The following AGPAT5 variants were observed in gnomAD, a reference collection of about 807,000 sequenced individuals.
AGPAT5 encodes the protein 1-acyl-sn-glycerol-3-phosphate acyltransferase epsilon.
AGPAT5 carries 46 observed loss-of-function variants against 45.6 expected under a neutral mutation model. That is an observed-to-expected ratio of 1.01 (90% confidence interval 0.80 to 1.29). AGPAT5 has a LOEUF of 1.29. Ranked by LOEUF, AGPAT5 falls within the 50% of genes most tolerant of loss-of-function variation. The pLI, the probability that AGPAT5 is intolerant of heterozygous loss-of-function variation, is 0.00. For synonymous variants in AGPAT5, 272 were observed against 167.0 expected (o/e 1.63, Z -4.85); for missense variants, 673 against 450.7 (o/e 1.49, Z -4.47).
chr8:6,727,616 G>T (rs1343570089), intron 2 of AGPAT5, among the ~76,000 whole-genome samples: 1 of 152,174 alleles, frequency 6.6e-6, no homozygotes, highest in Non-Finnish European at 1.5e-5. Flanking sequence ...CCTGACCTCA[G>T]GTGATCTGCC....
chr8:6,722,661 G>A (rs1461363864), intron 1 of AGPAT5, among the ~76,000 whole-genome samples: 3 of 152,286 alleles, frequency 2.0e-5, no homozygotes, highest in South Asian at 2.1e-4. Flanking sequence ...ATGAAGGCGA[G>A]GTGAAACTGG....
chr8:6,708,957 C>T (rs764443317), intron 1 of AGPAT5, 70 bp downstream of exon 1: 75 of 1,461,854 alleles, frequency 5.1e-5, no homozygotes, highest in Non-Finnish European at 6.6e-5. Context: ...TCTCCGCTCC[C>T]CCACAGCTGG....
At position 6,759,914 on chromosome 8, in the gene AGPAT5, G is replaced by C. The variant is rs1801975339; in HGVS notation, c.*2526G>C. On this transcript the variant is annotated 3_prime_UTR_variant, in exon 8 of 8. Transcript: ENST00000285518. ...TGCTTGGCAATTCTGTAATCATTAA[G>C]TGATCTCAGTGAAACATGTCAAATG... is the stretch of plus-strand genomic sequence containing the variant. Among the ~76,000 whole-genome samples the C allele has an allele frequency of 6.6e-6, 1 of 152,204 alleles. No homozygotes were observed. The highest frequency in any genetic ancestry group is 2.4e-5 in the African/African-American group (1 of 41,446).
At chr8:6,748,749 C>T (rs1184980805) in intron 6 of AGPAT5, among the ~76,000 whole-genome samples, 11 of 152,278 alleles carry the variant, frequency 7.2e-5, no homozygotes, top group African/African-American at 2.6e-4. Context: ...AGGTGATCCA[C>T]GCACCTCGGC....
intron 6 of AGPAT5, among the ~76,000 whole-genome samples, chr8:6,753,231 C>T (rs985365474): frequency 6.6e-6 from 1 of 152,222 alleles, no homozygotes; most frequent in South Asian, 2.1e-4. Context: ...GGCCCTGCCA[C>T]GTCCTGAGCA....
intron 7 of AGPAT5, among the ~76,000 whole-genome samples, chr8:6,755,541 C>A (rs964879481): frequency 2.6e-5 from 4 of 152,152 alleles, no homozygotes; most frequent in Non-Finnish European, 5.9e-5. Flanking sequence ...GCTGTTGGGC[C>A]AGTGTGCGCA....
At chr8:6,727,541 C>T (rs1215057397) in intron 2 of AGPAT5, among the ~76,000 whole-genome samples, 1 of 152,148 alleles carries the variant, frequency 6.6e-6, no homozygotes, top group Non-Finnish European at 1.5e-5. Context: ...ACCACCACGC[C>T]TGGCTAATTT....
At chr8:6,748,535 C>T (rs528414806) in intron 6 of AGPAT5, among the ~76,000 whole-genome samples, 5 of 152,148 alleles carry the variant, frequency 3.3e-5, no homozygotes, top group South Asian at 2.1e-4. Context: ...ACAAGAGTTT[C>T]GCTCTGTCGC....
rs542797900 is a variant in AGPAT5 at position 6,735,626 on chromosome 8, T to C, written c.495+2976T>C. Among the ~76,000 whole-genome samples the C allele has an allele frequency of 8.5e-5, 13 of 152,352 alleles. No individual in the cohort carries two copies. The South Asian group carries it at 2.7e-3, about 32-fold the overall frequency. On this transcript the variant is annotated intron_variant, in intron 4 of 7. Coordinates refer to ENST00000285518, the MANE Select transcript of AGPAT5 (RefSeq NM_018361.5). Reference sequence around the variant, plus strand: ...TAGACTTTTGGGTTAGTTGGTTGCCTTGCAACCTTGCAGCTCTCTGAAGGG... The same window carrying C: ...TAGACTTTTGGGTTAGTTGGTTGCCCTGCAACCTTGCAGCTCTCTGAAGGG...
chr8:6,760,950 T>C lies in AGPAT5; in HGVS notation c.*3562T>C, dbSNP rs561530029. On this transcript the variant is annotated 3_prime_UTR_variant, in exon 8 of 8. Transcript: ENST00000285518. Reference sequence around the variant, plus strand: ...CTGTACAATCGCTAATTTACTCAGTTTAGAGTAGCTACAACTCTTCGATAC... The same window carrying C: ...CTGTACAATCGCTAATTTACTCAGTCTAGAGTAGCTACAACTCTTCGATAC... Among the ~76,000 whole-genome samples, 12 of 152,300 alleles carry C rather than the reference T, an allele frequency of 7.9e-5. No homozygotes were observed. Among genetic ancestry groups the C allele is most frequent in the African/African-American group, 2.6e-4 (11 of 41,564 alleles).
intron 1 of AGPAT5, among the ~76,000 whole-genome samples, chr8:6,717,901 G>A (rs1444022440): frequency 6.6e-6 from 1 of 152,208 alleles, no homozygotes; most frequent in African/African-American, 2.4e-5. Flanking sequence ...AATTTTTGCA[G>A]AGAGTAGTTT....
intron 1 of AGPAT5, among the ~76,000 whole-genome samples, chr8:6,719,435 C>A (rs1289735406): frequency 6.6e-6 from 1 of 152,118 alleles, no homozygotes; most frequent in South Asian, 2.1e-4. Flanking sequence ...AAACATAAAG[C>A]CTTCCATCAC....
chr8:6,722,247 A>C (rs564817589), intron 1 of AGPAT5, among the ~76,000 whole-genome samples: 1 of 152,308 alleles, frequency 6.6e-6, no homozygotes, highest in Admixed American at 6.5e-5. Context: ...TGCCTTAGGC[A>C]GTTAGGGGAA....
intron 1 of AGPAT5, 113 bp downstream of exon 1, chr8:6,709,000 C>T (rs1268791566): frequency 2.0e-6 from 2 of 991,538 alleles, no homozygotes; most frequent in South Asian, 1.4e-5. Context: ...GCGGACCCAG[C>T]ACGGAGAGCA....
chr8:6,735,336 A>G (rs952635094), intron 4 of AGPAT5, among the ~76,000 whole-genome samples: 5 of 152,102 alleles, frequency 3.3e-5, no homozygotes, highest in Admixed American at 1.3e-4. Context: ...ACAAGCCTAC[A>G]TCCAGTCTTC....
rs984847358 is a variant in AGPAT5 at position 6,758,442 on chromosome 8, G to A, written c.*1054G>A. 1 of 152,612 alleles carries A rather than the reference G, an allele frequency of 6.6e-6. No individual in the cohort carries two copies. The highest frequency in any genetic ancestry group is 2.4e-5 in the African/African-American group (1 of 41,442). 9.5% of individuals were successfully genotyped at this position (152,612 alleles called of 1,614,324 possible). A position where few individuals can be genotyped will look rare whatever the true frequency, so the allele number is the denominator to read the frequency against. On this transcript the variant is annotated 3_prime_UTR_variant, in exon 8 of 8. Coordinates refer to ENST00000285518, the MANE Select transcript of AGPAT5 (RefSeq NM_018361.5). ...GATCCCGTCAGTGGTGCTGCTCAGCGGCTTGCACGCAGACTTGCTAGGAAG... is the reference window on the plus strand; with the variant it reads ...GATCCCGTCAGTGGTGCTGCTCAGCAGCTTGCACGCAGACTTGCTAGGAAG...
chr8:6,760,626 A>G lies in AGPAT5; in HGVS notation c.*3238A>G, dbSNP rs114170111. On this transcript the variant is annotated 3_prime_UTR_variant, in exon 8 of 8. Transcript: ENST00000285518. The stretch of plus-strand genomic sequence containing the variant: ...AATATTTTCTTGGCAGATATTCCGT[A>G]TCTGGTGGAAAGCTACAATGCAATG... Among the ~76,000 whole-genome samples the G allele has an allele frequency of 7.6e-3, 1,157 of 152,322 alleles. 12 individuals are homozygous for G. The highest frequency in any genetic ancestry group is 0.024 in the Middle Eastern group (7 of 294).
At chr8:6,732,421 T>A (rs1587028244) in intron 3 of AGPAT5, 140 bp from the exon 4 acceptor site, 1 of 546,080 alleles carries the variant, frequency 1.8e-6, no homozygotes, top group Admixed American at 4.0e-5. Context: ...AAGCTAATGT[T>A]TGAAGATATT....
chr8:6,743,666 C>T (rs1801318721), intron 5 of AGPAT5, among the ~76,000 whole-genome samples: 1 of 151,998 alleles, frequency 6.6e-6, no homozygotes, highest in Non-Finnish European at 1.5e-5. Flanking sequence ...AACTAATTTT[C>T]CTTAGACTTG....
Sources: allele counts gnomAD v4.1 joint callset (sites outside exome capture counted in the v4.1 genomes callset), GRCh38; gene constraint gnomAD v4.1.1; transcripts MANE v1.5; gene names NCBI Gene and HGNC (gene_info 2026-07-23, HGNC 2026-07-21).